The following STK33 variants were observed in gnomAD, a reference collection of about 807,000 sequenced individuals.
STK33 encodes serine/threonine-protein kinase 33.
In STK33, 52 loss-of-function variants were observed where a neutral mutation model predicts 58.0. The ratio of observed to expected loss-of-function variants is 0.90; its 90% CI spans 0.72 to 1.13. STK33 has a LOEUF of 1.13. Among genes scored for constraint, STK33 ranks in the 50% most tolerant of loss-of-function variants. STK33 has a pLI of 0.00. For missense variants in STK33, 630 were observed against 604.2 expected (o/e 1.04, Z -0.45); for synonymous variants, 215 against 200.1 (o/e 1.07, Z -0.63).
chr11:8,392,842 A>G (rs1848761605), intron 15 of STK33, 132 bp from the exon 16 acceptor site: 2 of 740,992 alleles, frequency 2.7e-6, no homozygotes, highest in Non-Finnish European at 2.2e-6. Context: ...CAAACTAGTC[A>G]TATTGTAAAA....
chr11:8,498,790 T>C (rs1257037200), intron 1 of STK33, among the ~76,000 whole-genome samples: 3 of 151,988 alleles, frequency 2.0e-5, no homozygotes, highest in Admixed American at 6.6e-5. Flanking sequence ...ACATCTACAA[T>C]CATCTGATCT....
chr11:8,417,848 CT>C (rs1056088790), intron 14 of STK33, among the ~76,000 whole-genome samples: 6 of 152,036 alleles, frequency 3.9e-5, no homozygotes, highest in African/African-American at 1.4e-4. Flanking sequence ...CACTTACTTG[CT>C]TTTTATGAGA....
chr11:8,432,227 T>C (rs762353900), intron 14 of STK33, among the ~76,000 whole-genome samples: 5 of 152,206 alleles, frequency 3.3e-5, no homozygotes, highest in Non-Finnish European at 7.4e-5. Context: ...TAAATATAAG[T>C]GGGCAGAAGA....
chr11:8,592,797 T>C (rs1228361062), intron 1 of STK33, among the ~76,000 whole-genome samples: 1 of 152,180 alleles, frequency 6.6e-6, no homozygotes, highest in Non-Finnish European at 1.5e-5. Flanking sequence ...GAAGCCATGA[T>C]GGATTTTGAG....
chr11:8,359,723 GT>G, the STK33 span, among the ~76,000 whole-genome samples: 1 of 152,256 alleles, frequency 6.6e-6, no homozygotes, highest in Admixed American at 6.5e-5. Context: ...AGAGAGAGGG[GT>G]TCTTGAGGGG....
intron 12 of STK33, among the ~76,000 whole-genome samples, chr11:8,438,284 C>T (rs1362124339): frequency 6.6e-6 from 1 of 152,092 alleles, no homozygotes; most frequent in Non-Finnish European, 1.5e-5. Flanking sequence ...ATCCAAGACA[C>T]GAAAAATATC....
chr11:8,355,860 GTCACCA>G, the STK33 span, among the ~76,000 whole-genome samples: 19 of 152,208 alleles, frequency 1.2e-4, no homozygotes, highest in Non-Finnish European at 2.4e-4. Context: ...TTTTGTTGCT[GTCACCA>G]TCACCATCAC....
chr11:8,417,171 C>T (rs1226559040), intron 14 of STK33, among the ~76,000 whole-genome samples: 3 of 152,096 alleles, frequency 2.0e-5, no homozygotes, highest in Non-Finnish European at 4.4e-5. Flanking sequence ...AAATACTGAA[C>T]TCATCAATTA....
intron 7 of STK33, 135 bp from the exon 8 acceptor site, chr11:8,462,044 A>T: frequency 1.7e-6 from 1 of 585,086 alleles, no homozygotes; most frequent in Non-Finnish European, 2.8e-6. Context: ...ATTTTTTGAG[A>T]TGTTTCTTTT....
the STK33 span, among the ~76,000 whole-genome samples, chr11:8,354,474 T>TCACACACACACACACACA: frequency 0.025 from 3,124 of 124,614 alleles, 79 homozygotes; most frequent in East Asian, 0.038. Flanking sequence ...CTGCAAAACC[T>TCACACACACACACACACA]CACACACACA....
At chr11:8,575,479 T>C (rs1331274807) in intron 1 of STK33, among the ~76,000 whole-genome samples, 1 of 152,140 alleles carries the variant, frequency 6.6e-6, no homozygotes, top group Non-Finnish European at 1.5e-5. Context: ...CTATGCTCAA[T>C]GAAATAAGTC....
chr11:8,495,194 C>A (rs186535575), intron 1 of STK33, among the ~76,000 whole-genome samples: 1 of 151,998 alleles, frequency 6.6e-6, no homozygotes, highest in Non-Finnish European at 1.5e-5. Context: ...ACAATCTACC[C>A]ATCTGACAAA....
intron 14 of STK33, among the ~76,000 whole-genome samples, chr11:8,418,305 T>G (rs868701494): frequency 1.5e-4 from 23 of 152,278 alleles, no homozygotes; most frequent in African/African-American, 5.5e-4. Flanking sequence ...TGAGTTTTCA[T>G]CATTTAGCTC....
At chr11:8,390,326 C>T (rs1848602736), downstream of STK33, among the ~76,000 whole-genome samples, 1 of 152,204 alleles carries the variant, frequency 6.6e-6, no homozygotes, top group African/African-American at 2.4e-5. Flanking sequence ...CCCAGCTCCC[C>T]ATGCTATGGA....
chr11:8,400,007 C>G (rs1347512248), intron 15 of STK33, among the ~76,000 whole-genome samples: 2 of 152,082 alleles, frequency 1.3e-5, no homozygotes, highest in Non-Finnish European at 2.9e-5. Context: ...AGTCCAGGAC[C>G]AGATGGATTC....
At chr11:8,523,338 G>C (rs542517793) in intron 1 of STK33, among the ~76,000 whole-genome samples, 12 of 151,472 alleles carry the variant, frequency 7.9e-5, no homozygotes, top group African/African-American at 2.7e-4. Context: ...ATCCCATCTA[G>C]GAAGTGAGGA....
At chr11:8,564,330 A>G (rs1957310310) in intron 1 of STK33, among the ~76,000 whole-genome samples, 1 of 152,138 alleles carries the variant, frequency 6.6e-6, no homozygotes, top group African/African-American at 2.4e-5. Flanking sequence ...GAGATGAATA[A>G]ATTTAATCCC....
intron 1 of STK33, among the ~76,000 whole-genome samples, chr11:8,554,418 CA>C (rs35967209): frequency 0.13 from 7,619 of 58,676 alleles, 320 homozygotes; most frequent in African/African-American, 0.31. Flanking sequence ...GACTCCATCT[CA>C]AAAAAAAAAA....
chr11:8,406,369 T>C (rs1939209205), intron 15 of STK33, among the ~76,000 whole-genome samples: 1 of 152,202 alleles, frequency 6.6e-6, no homozygotes, highest in Non-Finnish European at 1.5e-5. Context: ...TATCTCCAAA[T>C]AAATTTTAGA....
Sources: gnomAD v4.1 joint callset for allele counts (sites outside exome capture counted in the v4.1 genomes callset) on GRCh38, gnomAD v4.1.1 for gene constraint, MANE v1.5 for transcripts, NCBI Gene and HGNC (gene_info 2026-07-23, HGNC 2026-07-21) for gene names.